TUSC3: variants seen among roughly 807,000 people sequenced by gnomAD.
TUSC3 encodes the protein dolichyl-diphosphooligosaccharide--protein glycosyltransferase subunit TUSC3.
Under a neutral mutation model 44.8 loss-of-function variants are expected in TUSC3, and 45 were observed. That is an observed-to-expected ratio of 1.00 (90% CI 0.79 to 1.29). The LOEUF (loss-of-function observed/expected upper bound fraction) is 1.29, where lower values mean the gene tolerates loss of function less well. TUSC3 is among the 50% of genes most tolerant of loss of function. The pLI is 0.00. For missense variants in TUSC3, 519 were observed against 437.9 expected, an observed-to-expected ratio of 1.19 and a Z score of -1.65; for synonymous variants, 212 against 152.9, an observed-to-expected ratio of 1.39 and a Z score of -2.85.
At chr8:15,786,065 G>T in the TUSC3 span, among the ~76,000 whole-genome samples, 3 of 152,048 alleles carry the variant, frequency 2.0e-5, no homozygotes, top group Non-Finnish European at 4.4e-5. Flanking sequence ...TAGTTACTCT[G>T]CCCAAAGCTA....
chr8:15,464,963 C>T (rs374846734), intron 1 of TUSC3, among the ~76,000 whole-genome samples: 7 of 152,270 alleles, frequency 4.6e-5, no homozygotes, highest in African/African-American at 1.7e-4. Context: ...GATTCTCTTG[C>T]CTCAGCCTCC....
intron 3 of TUSC3, among the ~76,000 whole-genome samples, chr8:15,656,750 C>G (rs1807186820): frequency 1.3e-5 from 2 of 152,236 alleles, no homozygotes; most frequent in Admixed American, 6.5e-5. Flanking sequence ...AAGGGGGATT[C>G]TTTACAATGG....
Position 15,764,414 on chromosome 8 carries a change from T to A in TUSC3, c.*258T>A. On this transcript the variant is annotated 3_prime_UTR_variant, in exon 11 of 11. Coordinates refer to ENST00000503731, the MANE Select transcript of TUSC3 (RefSeq NM_006765.4). ...CATTTAGTAATCTACAAAGGAAATA[T>A]CAAAGTGTTTTTCAAGCCTGTTATA... 1.8e-6 allele frequency: 1 copy of A among 552,760 alleles called. No individual in the cohort carries two copies. Among genetic ancestry groups the A allele is most frequent in the Non-Finnish European group, 3.3e-6 (1 of 306,568 alleles). The allele number at this position is 552,760 out of a possible 1,614,324, so 34.2% of individuals were successfully genotyped here.
intron 1 of TUSC3, among the ~76,000 whole-genome samples, chr8:15,555,410 C>T (rs1219620572): frequency 6.7e-6 from 1 of 149,516 alleles, no homozygotes; most frequent in South Asian, 2.1e-4. Flanking sequence ...GATCCTCCCA[C>T]CTCAGCCTCC....
intron 2 of TUSC3, among the ~76,000 whole-genome samples, chr8:15,526,305 T>G (rs904563317): frequency 6.6e-6 from 1 of 152,174 alleles, no homozygotes; most frequent in African/African-American, 2.4e-5. Flanking sequence ...AGTGCTGGAT[T>G]ACAGGCGTGA....
At chr8:15,522,822 C>T (rs745664593) in intron 2 of TUSC3, among the ~76,000 whole-genome samples, 1 of 152,100 alleles carries the variant, frequency 6.6e-6, no homozygotes, top group Non-Finnish European at 1.5e-5. Flanking sequence ...CTGACAGGCT[C>T]AAGAATTTTG....
At chr8:15,526,677 A>T (rs1286205790) in intron 2 of TUSC3, among the ~76,000 whole-genome samples, 1 of 152,188 alleles carries the variant, frequency 6.6e-6, no homozygotes, top group Non-Finnish European at 1.5e-5. Flanking sequence ...GTTACGTGGA[A>T]CTGTGAGTCC....
At chr8:15,734,134 T>G (rs1200825582) in intron 7 of TUSC3, among the ~76,000 whole-genome samples, 1 of 152,246 alleles carries the variant, frequency 6.6e-6, no homozygotes, top group Non-Finnish European at 1.5e-5. Flanking sequence ...TTCTTTGTAA[T>G]TTGTGTATTT....
chr8:15,800,383 C>G, the TUSC3 span, among the ~76,000 whole-genome samples: 1 of 151,830 alleles, frequency 6.6e-6, no homozygotes, highest in South Asian at 2.1e-4. Flanking sequence ...GACCAGCCTG[C>G]GCAACATAGT....
At chr8:15,767,903 G>A (rs568639473), downstream of TUSC3, among the ~76,000 whole-genome samples, 2 of 152,136 alleles carry the variant, frequency 1.3e-5, no homozygotes, top group African/African-American at 4.8e-5. Flanking sequence ...AAATACTTTG[G>A]AGAATAAGGA....
chr8:15,772,199 T>TCAGAG, the TUSC3 span, among the ~76,000 whole-genome samples: 19 of 151,600 alleles, frequency 1.3e-4, no homozygotes, highest in African/African-American at 4.6e-4. Flanking sequence ...GAAATAAAGA[T>TCAGAG]CAGAGCAGAG....
chr8:15,780,383 G>A, the TUSC3 span, among the ~76,000 whole-genome samples: 2 of 152,158 alleles, frequency 1.3e-5, no homozygotes, highest in African/African-American at 2.4e-5. Context: ...GGTTCCCCAT[G>A]GTTTGGCTCT....
chr8:15,592,472 G>A (rs1258115021), intron 1 of TUSC3, among the ~76,000 whole-genome samples: 1 of 152,128 alleles, frequency 6.6e-6, no homozygotes, highest in Non-Finnish European at 1.5e-5. Context: ...TGCCCTCCTT[G>A]TGGTAATAAG....
rs189154761 is a variant in TUSC3 at position 15,528,160 on chromosome 8, T to C, written n.189+44677T>C. Among the ~76,000 whole-genome samples the C allele has an allele frequency of 3.3e-3, 505 of 152,244 alleles. 4 individuals are homozygous for C. The highest frequency in any genetic ancestry group is 0.012 in the African/African-American group (486 of 41,574). The stretch of plus-strand genomic sequence containing the variant: ...TTTCAATTAAGCACAATTTTGGTAC[T>C]ATAAAAAATACTCAGCTCAGCATTT... On this transcript the variant is annotated intron_variant and non_coding_transcript_variant, in intron 2 of 5. Transcript: ENST00000503191.
chr8:15,730,388 ATG>A (rs1298409933), intron 6 of TUSC3, among the ~76,000 whole-genome samples: 1 of 152,136 alleles, frequency 6.6e-6, no homozygotes, highest in Non-Finnish European at 1.5e-5. Context: ...ATCATATTTT[ATG>A]TGTGTATGTT....
chr8:15,777,242 T>C, the TUSC3 span, among the ~76,000 whole-genome samples: 1 of 152,114 alleles, frequency 6.6e-6, no homozygotes, highest in Non-Finnish European at 1.5e-5. Flanking sequence ...CCAATGAAAA[T>C]TCAAGGTATC....
chr8:15,446,256 G>A (rs1419569492), intron 1 of TUSC3, among the ~76,000 whole-genome samples: 1 of 151,738 alleles, frequency 6.6e-6, no homozygotes, highest in Middle Eastern at 3.4e-3. Context: ...GATGGCGGCC[G>A]GGAAGAGGCG....
chr8:15,743,353 T>C, intron 7 of TUSC3, 185 bp from the exon 8 acceptor site: 3 of 621,368 alleles, frequency 4.8e-6, no homozygotes. Flanking sequence ...AGGTTATAAA[T>C]TTTTAAAGTT....
At chr8:15,590,628 A>G (rs1303055343) in intron 1 of TUSC3, among the ~76,000 whole-genome samples, 1 of 151,634 alleles carries the variant, frequency 6.6e-6, no homozygotes, top group Non-Finnish European at 1.5e-5. Context: ...GTATTTATAA[A>G]TATTTATTTT....
Sources: gnomAD v4.1 joint callset for allele counts (sites outside exome capture counted in the v4.1 genomes callset) on GRCh38, gnomAD v4.1.1 for gene constraint, MANE v1.5 for transcripts, NCBI Gene and HGNC (gene_info 2026-07-23, HGNC 2026-07-21) for gene names.